SORL1: variants seen among roughly 807,000 people sequenced by gnomAD.
SORL1 encodes the protein sortilin related receptor 1.
Under a neutral mutation model 273.7 loss-of-function variants are expected in SORL1, and 127 were observed. The ratio of observed to expected loss-of-function variants is 0.46; its 90% CI spans 0.40 to 0.54. The LOEUF is 0.54. Ranked by LOEUF, SORL1 falls within the 20% of genes least tolerant of loss-of-function variation. The pLI is 0.00. For synonymous variants in SORL1, 1,031 were observed against 1,067.4 expected, an observed-to-expected ratio of 0.97 and a Z score of 0.66; for missense variants, 2,494 against 2,846.1, an observed-to-expected ratio of 0.88 and a Z score of 2.81.
At chr11:121,541,457 G>A (rs1395361272) in intron 12 of SORL1, among the ~76,000 whole-genome samples, 8 of 152,152 alleles carry the variant, frequency 5.3e-5, no homozygotes, top group Non-Finnish European at 1.0e-4. Context: ...AGATCCTTCT[G>A]CCTTGGCCTC....
chr11:121,537,246 T>A (rs11820794), intron 12 of SORL1, among the ~76,000 whole-genome samples: 1 of 152,174 alleles, frequency 6.6e-6, no homozygotes, highest in Non-Finnish European at 1.5e-5. Flanking sequence ...AGATTAAAGT[T>A]TGCTTTGAGG....
At position 121,589,725 on chromosome 11, in the gene SORL1, G is replaced by T. The variant is rs866759837; in HGVS notation, c.4079-315G>T. Among the ~76,000 whole-genome samples, 10 of 152,234 alleles carry T rather than the reference G, an allele frequency of 6.6e-5. No individual in the cohort carries two copies. The South Asian group carries it at 1.4e-3, about 22-fold the overall frequency. ...GACAGGCCACAATGTAATAGTTATT[G>T]TCATGATTGGATTACCATCAATAGT... is the stretch of plus-strand genomic sequence containing the variant. On this transcript the variant is annotated intron_variant, in intron 29 of 47. Coordinates refer to ENST00000260197, the MANE Select transcript of SORL1 (RefSeq NM_003105.6).
At chr11:121,576,868 C>G (rs1056982344) in intron 24 of SORL1, 3 of 1,535,602 alleles carry the variant, frequency 2.0e-6, no homozygotes, top group Admixed American at 2.0e-5. Flanking sequence ...TCTCGGCACT[C>G]CTTTTCTCAA....
rs1350722378 is a variant in SORL1, at chr11:121,630,566, A to T, written c.*1003A>T. 1 of 152,148 alleles carries T rather than the reference A, an allele frequency of 6.6e-6. No homozygotes were observed. The highest frequency in any genetic ancestry group is 1.5e-5 in the Non-Finnish European group (1 of 68,014). 9.4% of individuals were successfully genotyped at this position (152,148 alleles called of 1,614,324 possible). On this transcript the variant is annotated 3_prime_UTR_variant, in exon 48 of 48. Transcript: ENST00000260197. ...TGTATTTGGTTTGAGATGGCCACTT[A>T]TTGTCCTTAAAAATCCATACTGATA...
rs1862493231 is a variant in SORL1 at position 121,550,606 on chromosome 11, C to A, written c.2202C>A (p.Asp734Glu). 6.2e-7 allele frequency: 1 copy of A among 1,613,980 alleles called. No individual in the cohort carries two copies. Among genetic ancestry groups the A allele is most frequent in the Admixed American group, 1.7e-5 (1 of 60,000 alleles). ...ACAGCTACCGGAAGATTTCTGGGGA[C>A]ACTTGTAGCGGAGGAGATGTTGAAG... ...RTRGYRKISGDTCSGGDVEAR... is the reference protein window; with the variant it reads ...RTRGYRKISGETCSGGDVEAR... The change falls in exon 16 of 48, where the codon GAC (aspartate) becomes GAA (glutamate). Residue 734 changes from aspartate to glutamate, a missense_variant. This residue lies in a region of SORL1 where 710 missense variants were observed against 882.5 expected (regional missense o/e 0.80). Transcript: ENST00000260197. The surrounding 1 kb of genome is among the most constrained non-coding windows in gnomAD (Gnocchi z 5.3).
intron 5 of SORL1, among the ~76,000 whole-genome samples, chr11:121,493,444 A>G (rs1437388165): frequency 6.6e-6 from 1 of 152,082 alleles, no homozygotes; most frequent in African/African-American, 2.4e-5. Context: ...TTTAGTAGAT[A>G]TGAAGTTTCA....
intron 3 of SORL1, among the ~76,000 whole-genome samples, chr11:121,479,442 A>G (rs1425530159): frequency 1.3e-5 from 2 of 152,202 alleles, no homozygotes; most frequent in African/African-American, 2.4e-5. Flanking sequence ...CAAGATCTAC[A>G]GGGTCCTCTT....
chr11:121,529,619 T>C (rs375938021), intron 11 of SORL1, among the ~76,000 whole-genome samples: 26 of 152,238 alleles, frequency 1.7e-4, no homozygotes, highest in African/African-American at 5.8e-4. Context: ...TCTTGTGTGT[T>C]GTCCAGGCTG....
intron 24 of SORL1, among the ~76,000 whole-genome samples, chr11:121,575,030 T>C (rs1158816181): frequency 6.6e-6 from 1 of 152,220 alleles, no homozygotes; most frequent in Non-Finnish European, 1.5e-5. Flanking sequence ...TGAGTGAGCA[T>C]CTGTTTTCTG....
chr11:121,464,940 G>A (rs373496468), intron 1 of SORL1, among the ~76,000 whole-genome samples: 1 of 152,192 alleles, frequency 6.6e-6, no homozygotes, highest in Non-Finnish European at 1.5e-5. Context: ...CTTCTTAAGA[G>A]TGGAAGCTCC....
chr11:121,510,936 GC>G (rs553229371), intron 6 of SORL1, among the ~76,000 whole-genome samples: 50 of 152,094 alleles, frequency 3.3e-4, no homozygotes, highest in Non-Finnish European at 5.4e-4. Context: ...CCATGAGTAT[GC>G]TTTGCTTTTT....
intron 31 of SORL1, among the ~76,000 whole-genome samples, chr11:121,593,723 T>G (rs550561089): frequency 2.4e-4 from 36 of 152,230 alleles, no homozygotes; most frequent in African/African-American, 8.4e-4. Flanking sequence ...GTTTGTCTCT[T>G]GAATTTTGCT....
At chr11:121,558,105 T>G (rs527559674) in intron 19 of SORL1, among the ~76,000 whole-genome samples, 38 of 152,244 alleles carry the variant, frequency 2.5e-4, no homozygotes, top group Middle Eastern at 3.2e-3. Flanking sequence ...TTGTGTATCT[T>G]TCATGATTGC....
At chr11:121,628,765 T>C (rs957905887) in intron 47 of SORL1, 3 of 152,258 alleles carry the variant, frequency 2.0e-5, no homozygotes, top group Admixed American at 1.3e-4. Flanking sequence ...AGTTTATTTC[T>C]TTCCGTTAAC....
intron 6 of SORL1, among the ~76,000 whole-genome samples, chr11:121,503,444 C>A (rs944010118): frequency 3.3e-5 from 5 of 151,962 alleles, no homozygotes; most frequent in African/African-American, 9.7e-5. Context: ...TCCTTGGCAC[C>A]TTGGTTGGAA....
At chr11:121,476,655 A>G (rs1861271797) in intron 2 of SORL1, among the ~76,000 whole-genome samples, 2 of 152,052 alleles carry the variant, frequency 1.3e-5, no homozygotes, top group African/African-American at 4.8e-5. Context: ...AAGGATTGGA[A>G]TACACCCTGC....
chr11:121,480,947 G>A (rs1455221154), intron 3 of SORL1, among the ~76,000 whole-genome samples: 51 of 106,678 alleles, frequency 4.8e-4, no homozygotes, highest in South Asian at 9.8e-4. Context: ...CTCCCCTAGT[G>A]CACAGATACC....
intron 2 of SORL1, among the ~76,000 whole-genome samples, chr11:121,477,047 C>T (rs751232804): frequency 6.6e-6 from 1 of 152,044 alleles, no homozygotes; most frequent in African/African-American, 2.4e-5. Flanking sequence ...TCACCTCAGT[C>T]TCCTAAAGTG....
chr11:121,459,777 T>C (rs1430446248), intron 1 of SORL1, among the ~76,000 whole-genome samples: 1 of 152,254 alleles, frequency 6.6e-6, no homozygotes. Flanking sequence ...TGTGCTTTTG[T>C]TGACTTACCT....
Sources: gnomAD v4.1 joint callset for allele counts (sites outside exome capture counted in the v4.1 genomes callset) on GRCh38, gnomAD v4.1.1 for gene constraint, gnomAD v4.1.1 regional missense constraint, Gnocchi (gnomAD v3.1) non-coding constraint, MANE v1.5 for transcripts, NCBI Gene and HGNC (gene_info 2026-07-23, HGNC 2026-07-21) for gene names.